The following CHL1 variants were observed in gnomAD, a reference collection of about 807,000 sequenced individuals.
CHL1 encodes cell adhesion molecule L1 like.
Under a neutral mutation model 141.9 loss-of-function variants are expected in CHL1, and 96 were observed. That is an observed-to-expected ratio of 0.68 (90% CI 0.57 to 0.80). The LOEUF (loss-of-function observed/expected upper bound fraction) is 0.80, where lower values mean the gene tolerates loss of function less well. Among genes scored for constraint, CHL1 ranks in the 30% least tolerant of loss-of-function variants. The pLI is 0.00. For synonymous variants in CHL1, 613 were observed against 502.2 expected (o/e 1.22, Z -2.95); for missense variants, 1,820 against 1,457.2 (o/e 1.25, Z -4.05).
In CHL1 at chr3:401,704, CAT is replaced by C. The variant is rs751558105; in HGVS notation, c.3458+8_3458+9del. 4.6e-6 allele frequency: 7 copies of C among 1,519,626 alleles called. No individual in the cohort carries two copies. The South Asian group carries it at 6.0e-5, about 13-fold the overall frequency. The allele number at this position is 1,519,626 out of a possible 1,614,324, so 94.1% of individuals were successfully genotyped here. On this transcript the variant is annotated splice_region_variant and intron_variant, in intron 27 of 27. Transcript: ENST00000256509. ...GAAACCTTTGGTGAATACAGGTAAA[CAT>C]AAGGTTCTGTTGTAAAATAAAACAC...
chr3:301,385 A>G (rs1302116455), intron 2 of CHL1, among the ~76,000 whole-genome samples: 1 of 152,148 alleles, frequency 6.6e-6, no homozygotes, highest in Non-Finnish European at 1.5e-5. Flanking sequence ...GAAAAAGGAA[A>G]CTGTTCTGTG....
intron 2 of CHL1, among the ~76,000 whole-genome samples, chr3:308,460 C>G (rs1168311809): frequency 6.6e-6 from 1 of 151,784 alleles, no homozygotes; most frequent in Non-Finnish European, 1.5e-5. Context: ...ATTTGATTAA[C>G]ACAAAAAACT....
At chr3:396,734 T>A (rs1049361075) in intron 24 of CHL1, among the ~76,000 whole-genome samples, 7 of 152,188 alleles carry the variant, frequency 4.6e-5, no homozygotes, top group African/African-American at 1.7e-4. Flanking sequence ...TTTTCAGTAT[T>A]CCAGCTAACT....
At chr3:328,387 G>C (rs529146540) in intron 5 of CHL1, 33 bp downstream of exon 5, 2 of 1,543,666 alleles carry the variant, frequency 1.3e-6, no homozygotes, top group Non-Finnish European at 8.8e-7. Context: ...CATTTTACAA[G>C]TGTTTTAGTG....
intron 2 of CHL1, among the ~76,000 whole-genome samples, chr3:283,267 C>A (rs899095946): frequency 6.6e-6 from 1 of 152,230 alleles, no homozygotes; most frequent in African/African-American, 2.4e-5. Flanking sequence ...CTGCAGTCTT[C>A]CCCTAATGTT....
In CHL1 at chr3:253,399, G is replaced by A. The variant is rs144243870; in HGVS notation, c.-95+8707G>A. 9.3e-3 allele frequency among the ~76,000 whole-genome samples: 1,420 copies of A among 152,278 alleles called. 14 individuals are homozygous for A. The highest frequency in any genetic ancestry group is 0.02 in the South Asian group (96 of 4,824). ...TGGTATCAGAGAATTATACCAGTAC[G>A]TAAGCAAGAAAGAAACAAGAATAAG... On this transcript the variant is annotated intron_variant, in intron 2 of 27. Transcript: ENST00000256509.
chr3:250,345 A>G (rs192957941), intron 2 of CHL1, among the ~76,000 whole-genome samples: 2 of 152,280 alleles, frequency 1.3e-5, no homozygotes, highest in African/African-American at 2.4e-5. Flanking sequence ...AGGTTTGTAT[A>G]CTATTTTAAC....
At chr3:222,274 C>T (rs1407677614) in intron 1 of CHL1, among the ~76,000 whole-genome samples, 2 of 152,144 alleles carry the variant, frequency 1.3e-5, no homozygotes, top group Non-Finnish European at 2.9e-5. Context: ...TGTTTACTTG[C>T]CTTTTTTTTA....
chr3:405,658 G>A lies in CHL1; in HGVS notation c.3622G>A (p.Gly1208Arg). 1 of 1,613,458 alleles carries A rather than the reference G, an allele frequency of 6.2e-7. No individual in the cohort carries two copies. Among genetic ancestry groups the A allele is most frequent in the African/African-American group, 1.3e-5 (1 of 74,962 alleles). Residue 1208 changes from glycine to arginine, a missense_variant, in exon 28 of 28, where the codon GGA (glycine) becomes AGA (arginine). By Grantham distance (125) the Gly-to-Arg change is moderately radical. Transcript: ENST00000256509. ...TGCCTACGCTGGATCTAAGGAGAAG[G>A]GATCTGTTGAAAGCAATGGAAGTTC... ...IGAYAGSKEK[G>R]SVESNGSSTA...
chr3:251,096 G>C (rs978150009), intron 2 of CHL1, among the ~76,000 whole-genome samples: 1 of 152,080 alleles, frequency 6.6e-6, no homozygotes, highest in African/African-American at 2.4e-5. Flanking sequence ...TTTGACCTGT[G>C]GTGGTCAGAG....
At chr3:232,766 T>G (rs1179175670) in intron 1 of CHL1, among the ~76,000 whole-genome samples, 1 of 151,888 alleles carries the variant, frequency 6.6e-6, no homozygotes, top group Non-Finnish European at 1.5e-5. Context: ...AAAAAAAAAA[T>G]GAAGAAAGAG....
At chr3:376,626 G>A (rs551806704) in intron 15 of CHL1, among the ~76,000 whole-genome samples, 4 of 151,986 alleles carry the variant, frequency 2.6e-5, no homozygotes, top group South Asian at 2.1e-4. Context: ...CAGCTACTAT[G>A]GGCCCTCGTG....
rs1165452226 is a variant in CHL1 at position 405,938 on chromosome 3, G to A, written c.*227G>A. 2 of 440,734 alleles carry A rather than the reference G, an allele frequency of 4.5e-6. No homozygotes were observed. The highest frequency in any genetic ancestry group is 8.1e-5 in the East Asian group (2 of 24,764). The allele number at this position is 440,734 out of a possible 1,614,324, so 27.3% of individuals were successfully genotyped here. A position where few individuals can be genotyped will look rare whatever the true frequency, so the allele number is the denominator to read the frequency against. Reference sequence around the variant, plus strand: ...TATATTGTTTTCAGGTGCTCAAAATGCAAAACACAAAACAAATCCTGCATT... The same window carrying A: ...TATATTGTTTTCAGGTGCTCAAAATACAAAACACAAAACAAATCCTGCATT... On this transcript the variant is annotated 3_prime_UTR_variant, in exon 28 of 28. Transcript: ENST00000256509.
intron 2 of CHL1, among the ~76,000 whole-genome samples, chr3:293,853 T>C (rs1372533394): frequency 2.0e-5 from 3 of 150,482 alleles, no homozygotes; most frequent in African/African-American, 7.3e-5. Context: ...ACTCAGCCTC[T>C]GGGGTTCAAG....
chr3:259,529 A>C (rs577990171), intron 2 of CHL1, among the ~76,000 whole-genome samples: 67 of 152,274 alleles, frequency 4.4e-4, no homozygotes, highest in African/African-American at 1.5e-3. Flanking sequence ...TCCTTGAGCC[A>C]CTTTTCAGCA....
chr3:400,993 C>T (rs1467877391), intron 26 of CHL1, among the ~76,000 whole-genome samples: 1 of 149,408 alleles, frequency 6.7e-6, no homozygotes, highest in African/African-American at 2.5e-5. Context: ...CTTCTGCCTC[C>T]CAGGCTCAGG....
At chr3:386,070 C>T (rs1707676673) in intron 19 of CHL1, among the ~76,000 whole-genome samples, 1 of 151,900 alleles carries the variant, frequency 6.6e-6, no homozygotes, top group East Asian at 1.9e-4. Flanking sequence ...TATGGATCAT[C>T]CTGCGGAAAG....
At chr3:206,140 A>G (rs980990674) in intron 1 of CHL1, among the ~76,000 whole-genome samples, 1 of 152,214 alleles carries the variant, frequency 6.6e-6, no homozygotes, top group African/African-American at 2.4e-5. Flanking sequence ...ATGATAATGC[A>G]TACCTATTCC....
chr3:242,534 T>C (rs908004080), intron 1 of CHL1, among the ~76,000 whole-genome samples: 10 of 152,126 alleles, frequency 6.6e-5, no homozygotes, highest in African/African-American at 9.6e-5. Flanking sequence ...AGGCAGAGCT[T>C]GCAGTGAGCC....
Sources: gnomAD v4.1 joint callset for allele counts (sites outside exome capture counted in the v4.1 genomes callset) on GRCh38, gnomAD v4.1.1 for gene constraint, MANE v1.5 for transcripts, NCBI Gene and HGNC (gene_info 2026-07-23, HGNC 2026-07-21) for gene names.